CRLF2: variants seen among roughly 807,000 people sequenced by gnomAD.
The protein encoded by CRLF2 is cytokine receptor like factor 2.
A neutral mutation model predicts 38.7 loss-of-function variants in CRLF2; 41 were observed. The ratio of observed to expected loss-of-function variants is 1.06; its 90% CI spans 0.83 to 1.37. The LOEUF is 1.37. CRLF2 is among the 40% of genes most tolerant of loss of function. The pLI, the probability that CRLF2 is intolerant of heterozygous loss-of-function variation, is 0.00. For missense variants in CRLF2, 377 were observed against 322.2 expected (o/e 1.17, Z -1.30); for synonymous variants, 140 against 128.8 (o/e 1.09, Z -0.59).
At chrX:1,201,459 T>C (rs1286413293) in intron 4 of CRLF2, among the ~76,000 whole-genome samples, 2 of 121,704 alleles carry the variant, frequency 1.6e-5, no homozygotes, top group Non-Finnish European at 3.6e-5. Context: ...ACAGAGTTGA[T>C]AGATGATACA....
chrX:1,196,478 G>A (rs1475286261), intron 6 of CRLF2, among the ~76,000 whole-genome samples: 1 of 151,778 alleles, frequency 6.6e-6, no homozygotes, highest in Non-Finnish European at 1.5e-5. Context: ...GAACCACCGT[G>A]CCTGACCCTA....
intron 2 of CRLF2, 92 bp from the exon 3 acceptor site, chrX:1,206,691 G>A: frequency 1.6e-6 from 2 of 1,238,680 alleles, no homozygotes; most frequent in Non-Finnish European, 2.3e-6. Context: ...CGCCCAGGTT[G>A]GAGTGCAATG....
intron 3 of CRLF2, among the ~76,000 whole-genome samples, chrX:1,203,158 G>A (rs2086638706): frequency 7.0e-6 from 1 of 142,838 alleles, no homozygotes; most frequent in African/African-American, 2.6e-5. Flanking sequence ...GATCATTATA[G>A]ATTCAGTTAG....
chrX:1,199,602 G>A (rs1352813652), intron 4 of CRLF2, among the ~76,000 whole-genome samples: 1 of 152,114 alleles, frequency 6.6e-6, no homozygotes, highest in East Asian at 1.9e-4. Context: ...CATCCAGCCT[G>A]TATCTACATA....
At chrX:1,205,160 G>T (rs751929756) in intron 3 of CRLF2, among the ~76,000 whole-genome samples, 36 of 152,284 alleles carry the variant, frequency 2.4e-4, no homozygotes, top group African/African-American at 8.2e-4. Context: ...AGTCTCCCGG[G>T]GTCATCTGGT....
intron 2 of CRLF2, among the ~76,000 whole-genome samples, chrX:1,207,506 C>G (rs1444837027): frequency 2.5e-5 from 3 of 120,104 alleles, no homozygotes; most frequent in Non-Finnish European, 3.7e-5. Flanking sequence ...GATCCACCCC[C>G]CCCCCCCTCA....
chrX:1,201,277 CCTGTGTGTGT>C lies in CRLF2; in HGVS notation c.483+1115_483+1124del, dbSNP rs200547508. 3.6e-4 allele frequency among the ~76,000 whole-genome samples: 55 copies of C among 150,980 alleles called. 1 individual carries two copies. The highest frequency in any genetic ancestry group is 1.1e-3 in the Admixed American group (17 of 15,160). ...GGCAGCACATGACTGTGTGTGTGTGCCTGTGTGTGTCTGTGTGTGTCTGTGCATGTCTGTG... is the reference window on the plus strand; with the variant it reads ...GGCAGCACATGACTGTGTGTGTGTGCCTGTGTGTGTCTGTGCATGTCTGTG... On this transcript the variant is annotated intron_variant, in intron 4 of 7. Coordinates refer to ENST00000400841, the MANE Select transcript of CRLF2 (RefSeq NM_022148.4).
intron 7 of CRLF2, among the ~76,000 whole-genome samples, chrX:1,191,626 G>A (rs1370882048): frequency 1.3e-5 from 2 of 151,184 alleles, no homozygotes; most frequent in African/African-American, 2.4e-5. Context: ...CCGCCTACCC[G>A]GTTCAAGCGA....
chrX:1,206,380 A>G (rs1479764261), intron 3 of CRLF2, 53 bp downstream of exon 3: 2 of 1,522,788 alleles, frequency 1.3e-6, no homozygotes, highest in African/African-American at 2.7e-5. Context: ...CCTTGTGGTA[A>G]TAAGCTGAAG....
intron 5 of CRLF2, among the ~76,000 whole-genome samples, chrX:1,197,549 C>A (rs1237364346): frequency 6.6e-6 from 1 of 152,094 alleles, no homozygotes; most frequent in African/African-American, 2.4e-5. Context: ...GGCGCGGTGG[C>A]TCACGCCTTT....
chrX:1,190,648 G>A lies in CRLF2; in HGVS notation c.*249C>T, dbSNP rs1283809373. ...ACGTTCAGGCACGAAAAGGAACTGG[G>A]AGTAAATCTCCTGGAGCAATTGGCT... On this transcript the variant is annotated 3_prime_UTR_variant, in exon 8 of 8. Coordinates refer to ENST00000400841, the MANE Select transcript of CRLF2 (RefSeq NM_022148.4). 3 of 395,182 alleles carry A rather than the reference G, an allele frequency of 7.6e-6. No individual in the cohort carries two copies. The highest frequency in any genetic ancestry group is 6.2e-5 in the African/African-American group (3 of 48,624). 24.5% of individuals were successfully genotyped at this position (395,182 alleles called of 1,614,324 possible).
intron 4 of CRLF2, among the ~76,000 whole-genome samples, chrX:1,202,149 G>T (rs1329360593): frequency 1.3e-5 from 2 of 152,030 alleles, no homozygotes; most frequent in Non-Finnish European, 2.9e-5. Context: ...TTGATAGATA[G>T]ATAGATAAAT....
At chrX:1,199,463 G>A (rs2086561958) in intron 4 of CRLF2, among the ~76,000 whole-genome samples, 1 of 151,912 alleles carries the variant, frequency 6.6e-6, no homozygotes, top group Non-Finnish European at 1.5e-5. Flanking sequence ...ACCATGCTTG[G>A]CTAATTTTTG....
chrX:1,208,813 G>A lies in CRLF2; in HGVS notation c.175C>T (p.His59Tyr). The change falls in exon 2 of 8, where the codon CAC becomes TAC. Residue 59 changes from histidine to tyrosine, a missense_variant. His to Tyr is a moderately conservative substitution (Grantham distance 83). Transcript: ENST00000400841. ...SKYSRTNLTF[H>Y]YRFNGDEAYD... ...TTTCTGGGGGCCACTTACCTGTAGT[G>A]GAAAGTCAGGTTGGTCCTGGAGTAT... 1 of 1,603,484 alleles carries A rather than the reference G, an allele frequency of 6.2e-7. No homozygotes were observed. The highest frequency in any genetic ancestry group is 1.3e-5 in the African/African-American group (1 of 74,804).
chrX:1,208,845 G>T lies in CRLF2; in HGVS notation c.143C>A (p.Ala48Asp). ...NLETVQVTWN[A>D]SKYSRTNLTF... The stretch of plus-strand genomic sequence containing the variant: ...CAGGTTGGTCCTGGAGTATTTGCTG[G>T]CATTCCATGTCACCTGCACGGTTTC... The change falls in exon 2 of 8, where the codon GCC becomes GAC. Residue 48 changes from alanine to aspartate, a missense_variant. Ala to Asp is a moderately radical substitution (Grantham distance 126). Coordinates refer to ENST00000400841, the MANE Select transcript of CRLF2 (RefSeq NM_022148.4). The T allele has an allele frequency of 6.2e-7, 1 of 1,612,486 alleles. No individual in the cohort carries two copies. Among genetic ancestry groups the T allele is most frequent in the Admixed American group, 1.7e-5 (1 of 59,996 alleles).
chrX:1,196,611 A>C (rs2086480028), intron 6 of CRLF2, among the ~76,000 whole-genome samples, 169 bp downstream of exon 6: 1 of 151,972 alleles, frequency 6.6e-6, no homozygotes, highest in Non-Finnish European at 1.5e-5. Context: ...GTGAGCCACC[A>C]TGCCCAGCCC....
chrX:1,194,638 C>A, intron 6 of CRLF2, among the ~76,000 whole-genome samples: 1 of 152,026 alleles, frequency 6.6e-6, no homozygotes, highest in Non-Finnish European at 1.5e-5. Flanking sequence ...GACCTCACAA[C>A]GAGACTATAT....
intron 6 of CRLF2, among the ~76,000 whole-genome samples, chrX:1,194,682 A>G (rs1334456828): frequency 0.62 from 93,456 of 151,676 alleles, 29,149 homozygotes; most frequent in East Asian, 0.83. Flanking sequence ...AGGTGATGAT[A>G]GTAAAATGAG....
intron 3 of CRLF2, among the ~76,000 whole-genome samples, chrX:1,204,390 G>A (rs28738784): frequency 9.9e-5 from 15 of 151,716 alleles, no homozygotes; most frequent in African/African-American, 1.5e-4. Flanking sequence ...CACCAAGCCC[G>A]GCTAATTATG....
Sources: allele counts gnomAD v4.1 joint callset (sites outside exome capture counted in the v4.1 genomes callset), GRCh38; gene constraint gnomAD v4.1.1; transcripts MANE v1.5; gene names NCBI Gene and HGNC (gene_info 2026-07-23, HGNC 2026-07-21).